Variants in CPSF2 observed in about 807,000 individuals in gnomAD.
CPSF2 encodes the protein cleavage and polyadenylation specificity factor subunit 2.
CPSF2 carries 51 observed loss-of-function variants against 84.2 expected under a neutral mutation model. The ratio of observed to expected loss-of-function variants is 0.61; its 90% CI spans 0.48 to 0.77. The LOEUF (loss-of-function observed/expected upper bound fraction) is 0.77, where lower values mean the gene tolerates loss of function less well. Ranked by LOEUF, CPSF2 falls within the 30% of genes least tolerant of loss-of-function variation. CPSF2 has a pLI of 0.00. For synonymous variants in CPSF2, 286 were observed against 311.9 expected (o/e 0.92, Z 0.87); for missense variants, 641 against 929.4 (o/e 0.69, Z 4.03).
intron 13 of CPSF2, 48 bp from the exon 14 acceptor site, chr14:92,158,935 T>TA: frequency 6.9e-7 from 1 of 1,450,490 alleles, no homozygotes; most frequent in South Asian, 1.3e-5. Flanking sequence ...AATTTGTTAA[T>TA]ATGTATTCTG....
At chr14:92,135,344 G>C in intron 5 of CPSF2, 23 bp from the exon 6 acceptor site, 6 of 1,578,040 alleles carry the variant, frequency 3.8e-6, no homozygotes, top group Non-Finnish European at 5.2e-6. Context: ...AGAAATCTGA[G>C]TATTGTTATC....
chr14:92,159,219 TGAAAAA>T lies in CPSF2; in HGVS notation c.2063_2068del (p.Lys688_Glu689del). On this transcript the variant is annotated inframe_deletion, in exon 14 of 16. Coordinates refer to ENST00000298875, the MANE Select transcript of CPSF2 (RefSeq NM_017437.3). Reference sequence around the variant, plus strand: ...CCATGAAAAGTCTGTTCGGAGATGATGAAAAAGAAACAGGTGAAGAAAGTGAGATCA... The same window carrying T: ...CCATGAAAAGTCTGTTCGGAGATGATGAAACAGGTGAAGAAAGTGAGATCA... 6.2e-7 allele frequency: 1 copy of T among 1,613,526 alleles called. No homozygotes were observed. Among genetic ancestry groups the T allele is most frequent in the Non-Finnish European group, 8.5e-7 (1 of 1,179,794 alleles).
intron 2 of CPSF2, 114 bp downstream of exon 2, chr14:92,126,294 TACTC>T (rs1198409751): frequency 1.3e-5 from 2 of 152,212 alleles, no homozygotes; most frequent in African/African-American, 4.8e-5. Context: ...AATATGAACT[TACTC>T]AGTTCTAGCT....
At chr14:92,144,253 T>G (rs554460352) in intron 9 of CPSF2, among the ~76,000 whole-genome samples, 1 of 152,252 alleles carries the variant, frequency 6.6e-6, no homozygotes, top group Non-Finnish European at 1.5e-5. Context: ...TTAGCATCCA[T>G]GTGTATGATC....
In CPSF2 at chr14:92,163,685, G is replaced by A. The variant is rs1363491276; in HGVS notation, c.*1941G>A. The A allele has an allele frequency of 6.6e-6, 1 of 152,460 alleles. No homozygotes were observed. Among genetic ancestry groups the A allele is most frequent in the Non-Finnish European group, 1.5e-5 (1 of 68,050 alleles). 9.4% of individuals were successfully genotyped at this position (152,460 alleles called of 1,614,324 possible). A position where few individuals can be genotyped will look rare whatever the true frequency, so the allele number is the denominator to read the frequency against. ...TGGTGGTTACCCTCATGCTGTTCTT[G>A]TGATGGTGAGTTCTCATGAGATCTG... On this transcript the variant is annotated 3_prime_UTR_variant, in exon 16 of 16. Coordinates refer to ENST00000298875, the MANE Select transcript of CPSF2 (RefSeq NM_017437.3).
Position 92,132,158 on chromosome 14 carries a change from G to T in CPSF2, c.149+1025G>T, listed in dbSNP as rs532968130. ...TTTATTATTATTTTTTTTTGAGATG[G>T]AGTTTCACTTCTGTTGCCCAAGCTG... is the stretch of plus-strand genomic sequence containing the variant. On this transcript the variant is annotated intron_variant, in intron 3 of 15. Transcript: ENST00000298875. 7.9e-4 allele frequency among the ~76,000 whole-genome samples: 120 copies of T among 151,560 alleles called. No individual in the cohort carries two copies. The Middle Eastern group carries it at 0.01, about 13-fold the overall frequency.
At chr14:92,145,284 A>C (rs2069129470) in intron 9 of CPSF2, among the ~76,000 whole-genome samples, 2 of 152,136 alleles carry the variant, frequency 1.3e-5, no homozygotes, top group African/African-American at 4.8e-5. Flanking sequence ...CCCAGCCTGG[A>C]GTGCAGTGGC....
At chr14:92,160,116 C>G (rs1447352216) in intron 14 of CPSF2, among the ~76,000 whole-genome samples, 1 of 152,162 alleles carries the variant, frequency 6.6e-6, no homozygotes, top group Non-Finnish European at 1.5e-5. Flanking sequence ...GCATGAGCCA[C>G]TGGGCCCGGC....
chr14:92,141,882 CTA>C (rs923875920), intron 7 of CPSF2, among the ~76,000 whole-genome samples: 1 of 152,084 alleles, frequency 6.6e-6, no homozygotes, highest in African/African-American at 2.4e-5. Flanking sequence ...ACACCATTTT[CTA>C]TGTGTATTAT....
At position 92,133,925 on chromosome 14, in the gene CPSF2, A is replaced by G. The variant is rs571356121; in HGVS notation, c.150-86A>G. 1.1e-5 allele frequency: 16 copies of G among 1,417,760 alleles called. No individual in the cohort carries two copies. The African/African-American group carries it at 1.4e-4, about 13-fold the overall frequency. The allele number at this position is 1,417,760 out of a possible 1,614,324, so 87.8% of individuals were successfully genotyped here. On this transcript the variant is annotated intron_variant, in intron 3 of 15. Transcript: ENST00000298875. The stretch of plus-strand genomic sequence containing the variant: ...CTCTTCTGCCCCAGTGTAGTCTTCA[A>G]TCCAGAATTGGTGAATAATTTTGAA...
Position 92,157,858 on chromosome 14 carries a change from G to T in CPSF2, c.1795G>T (p.Ala599Ser), listed in dbSNP as rs1199847454. 1 of 1,613,738 alleles carries T rather than the reference G, an allele frequency of 6.2e-7. No homozygotes were observed. Among genetic ancestry groups the T allele is most frequent in the East Asian group, 2.2e-5 (1 of 44,900 alleles). The change falls in exon 13 of 16, where the codon GCC becomes TCC. Residue 599 changes from alanine to serine, a missense_variant. Physicochemically the swap from Ala to Ser is moderately conservative, Grantham distance 99 (BLOSUM62 1). Coordinates refer to ENST00000298875, the MANE Select transcript of CPSF2 (RefSeq NM_017437.3). This position sits in a 1 kb window ranked among gnomAD's most constrained non-coding sequence, Gnocchi z 4.0. ...GCCAAAGCTACATGAAACAGTTGAT[G>T]CCACTAGTGAAACTCACATCTACCA... ...YMPKLHETVD[A>S]TSETHIYQVR...
chr14:92,124,168 G>T (rs1595046910), intron 1 of CPSF2, among the ~76,000 whole-genome samples: 1 of 152,330 alleles, frequency 6.6e-6, no homozygotes, highest in East Asian at 1.9e-4. Context: ...CAAGAGGTAG[G>T]TTAAGATCAG....
At chr14:92,134,808 T>C (rs1373959311) in intron 5 of CPSF2, among the ~76,000 whole-genome samples, 2 of 152,202 alleles carry the variant, frequency 1.3e-5, no homozygotes, top group African/African-American at 2.4e-5. Context: ...TAAGTCTATA[T>C]TTATCATCTA....
intron 11 of CPSF2, among the ~76,000 whole-genome samples, chr14:92,155,898 A>AC (rs1405713650): frequency 1.3e-5 from 2 of 152,222 alleles, no homozygotes; most frequent in Non-Finnish European, 2.9e-5. Context: ...GGAAAAATCT[A>AC]CAAAATCTAT....
chr14:92,159,914 C>A (rs2141483656), intron 14 of CPSF2, among the ~76,000 whole-genome samples: 1 of 151,430 alleles, frequency 6.6e-6, no homozygotes, highest in South Asian at 2.1e-4. Flanking sequence ...CTGCCTGCTT[C>A]CAGTCAGGAG....
In CPSF2 at chr14:92,155,227, G is replaced by T; in HGVS notation, c.1346G>T (p.Arg449Leu). Residue 449 changes from arginine to leucine, a missense_variant, in exon 11 of 16, where the codon CGT (arginine) becomes CTT (leucine). By Grantham distance (102) the Arg-to-Leu change is moderately radical. Transcript: ENST00000298875. ...TTGATGATGAAAGGTGAAGGCAGTC[G>T]TAAAGGAAGTTTTTTCAAACAGGCA... ...HDLMMKGEGS[R>L]KGSFFKQAKK... The T allele has an allele frequency of 6.2e-7, 1 of 1,613,986 alleles. No individual in the cohort carries two copies. The highest frequency in any genetic ancestry group is 8.5e-7 in the Non-Finnish European group (1 of 1,179,900).
Position 92,134,104 on chromosome 14 carries a change from C to T in CPSF2, c.243C>T (p.Asn81=). ...LPYAVGKLGL[N]CAIYATIPVY... ...ATGCTGTCGGAAAGTTGGGTCTGAACTGTGCTATCTATGCAACCATTCCTG... is the reference window on the plus strand; with the variant it reads ...ATGCTGTCGGAAAGTTGGGTCTGAATTGTGCTATCTATGCAACCATTCCTG... Residue 81 remains asparagine (N), a synonymous_variant, in exon 4 of 16, where the codon AAC becomes AAT. Transcript: ENST00000298875. 1 of 1,614,192 alleles carries T rather than the reference C, an allele frequency of 6.2e-7. No homozygotes were observed. Among genetic ancestry groups the T allele is most frequent in the Non-Finnish European group, 8.5e-7 (1 of 1,179,994 alleles).
At position 92,171,838 on chromosome 14, in the gene CPSF2, T is replaced by C. The variant is rs1213372919; in HGVS notation, c.*10094T>C. On this transcript the variant is annotated 3_prime_UTR_variant, in exon 16 of 16. Transcript: ENST00000298875. ...CCACAATTGTATCTTCTCCACCCTATATTTAAAAACTGGACTTCCAGAGTC... is the reference window on the plus strand; with the variant it reads ...CCACAATTGTATCTTCTCCACCCTACATTTAAAAACTGGACTTCCAGAGTC... 5 of 152,224 alleles carry C rather than the reference T, an allele frequency of 3.3e-5. No homozygotes were observed. The highest frequency in any genetic ancestry group is 5.9e-5 in the Non-Finnish European group (4 of 68,046). 9.4% of individuals were successfully genotyped at this position (152,224 alleles called of 1,614,324 possible). A position where few individuals can be genotyped will look rare whatever the true frequency, so the allele number is the denominator to read the frequency against.
In CPSF2 at chr14:92,142,130, C is replaced by T. The variant is rs142285271; in HGVS notation, c.662-34C>T. The T allele has an allele frequency of 2.5e-5, 37 of 1,475,908 alleles. No individual in the cohort carries two copies. The African/African-American group carries it at 3.6e-4, about 14-fold the overall frequency. The allele number at this position is 1,475,908 out of a possible 1,614,324, so 91.4% of individuals were successfully genotyped here. On this transcript the variant is annotated intron_variant, in intron 7 of 15. Coordinates refer to ENST00000298875, the MANE Select transcript of CPSF2 (RefSeq NM_017437.3). ...TTAATTTTGTAGCATAGTATTGTTA[C>T]GTTCTATGGGGATTTTACATTCTTG...
Sources: allele counts gnomAD v4.1 joint callset (sites outside exome capture counted in the v4.1 genomes callset), GRCh38; gene constraint gnomAD v4.1.1; non-coding constraint Gnocchi (gnomAD v3.1); transcripts MANE v1.5; gene names NCBI Gene and HGNC (gene_info 2026-07-23, HGNC 2026-07-21).